HBS1L: variants seen among roughly 807,000 people sequenced by gnomAD.
HBS1L encodes the protein HBS1 like translational GTPase, also known as HBS1-like protein.
HBS1L carries 55 observed loss-of-function variants against 88.9 expected under a neutral mutation model. That is an observed-to-expected ratio of 0.62 (90% CI 0.50 to 0.77). The LOEUF (loss-of-function observed/expected upper bound fraction) is 0.77, where lower values mean the gene tolerates loss of function less well. Among genes scored for constraint, HBS1L ranks in the 30% least tolerant of loss-of-function variants. The pLI, the probability that HBS1L is intolerant of heterozygous loss-of-function variation, is 0.00. For synonymous variants in HBS1L, 267 were observed against 288.5 expected (o/e 0.93, Z 0.76); for missense variants, 741 against 829.3 (o/e 0.89, Z 1.31).
At chr6:135,021,176 T>G (rs1487342139) in intron 4 of HBS1L, among the ~76,000 whole-genome samples, 2 of 152,010 alleles carry the variant, frequency 1.3e-5, no homozygotes, top group African/African-American at 4.8e-5. Context: ...TTATGAATAT[T>G]AAGTGTTAGC....
At chr6:135,011,905 TAA>T (rs10605981) in intron 4 of HBS1L, among the ~76,000 whole-genome samples, 49,942 of 111,786 alleles carry the variant, frequency 0.45, 10,653 homozygotes, top group South Asian at 0.54. Flanking sequence ...AAACTTGTCT[TAA>T]AAAAAAAAAA....
At chr6:134,982,939 A>T (rs958285140) in intron 12 of HBS1L, 2 of 155,208 alleles carry the variant, frequency 1.3e-5, no homozygotes, top group Non-Finnish European at 2.8e-5. Context: ...GTCCTGAGAC[A>T]AATAATATGT....
In HBS1L at chr6:134,961,142, C is replaced by T. The variant is rs1024553502; in HGVS notation, c.*4137G>A. On this transcript the variant is annotated 3_prime_UTR_variant, in exon 18 of 18. Transcript: ENST00000367837. ...TATGAATAGTTTCACTAATTCCATT[C>T]ATGGTTACTGTAAACATTCTTAAAA... 3.0e-5 allele frequency: 3 copies of T among 101,642 alleles called. No individual in the cohort carries two copies. Among genetic ancestry groups the T allele is most frequent in the South Asian group, 3.2e-4 (1 of 3,118 alleles). The allele number at this position is 101,642 out of a possible 1,614,324, so 6.3% of individuals were successfully genotyped here.
intron 7 of HBS1L, 63 bp downstream of exon 7, chr6:134,996,714 T>C (rs112409307): frequency 8.4e-7 from 1 of 1,194,314 alleles, no homozygotes; most frequent in Non-Finnish European, 1.2e-6. Context: ...TCAACACATA[T>C]TACACACTTA....
intron 9 of HBS1L, among the ~76,000 whole-genome samples, 179 bp downstream of exon 9, chr6:134,987,466 A>G (rs1775010579): frequency 6.6e-6 from 1 of 152,148 alleles, no homozygotes; most frequent in African/African-American, 2.4e-5. Context: ...ATAAGAAGAC[A>G]TTTTCTTACT....
chr6:134,964,609 A>AC lies in HBS1L; in HGVS notation c.*669_*670insG, dbSNP rs751027621. 2.0e-5 allele frequency: 3 copies of AC among 152,328 alleles called. No homozygotes were observed. Among genetic ancestry groups the AC allele is most frequent in the Non-Finnish European group, 2.9e-5 (2 of 68,020 alleles). The allele number at this position is 152,328 out of a possible 1,614,324, so 9.4% of individuals were successfully genotyped here. On this transcript the variant is annotated 3_prime_UTR_variant, in exon 18 of 18. Transcript: ENST00000367837. ...GTGGCAGAGAATCTCATAAATGTCT[A>AC]AAGAACAAAACACAGTTTGTATTAT...
At chr6:135,043,673 A>G (rs1410687561) in intron 2 of HBS1L, among the ~76,000 whole-genome samples, 1 of 152,220 alleles carries the variant, frequency 6.6e-6, no homozygotes, top group Non-Finnish European at 1.5e-5. Context: ...GAAGTAACCA[A>G]TGAAGACTGG....
intron 12 of HBS1L, among the ~76,000 whole-genome samples, chr6:134,984,326 T>C (rs1218489274): frequency 6.6e-6 from 1 of 152,188 alleles, no homozygotes; most frequent in East Asian, 1.9e-4. Context: ...ATGTATTATG[T>C]GCCAGGCACT....
chr6:135,011,986 G>A (rs1775788617), intron 4 of HBS1L, among the ~76,000 whole-genome samples: 1 of 151,016 alleles, frequency 6.6e-6, no homozygotes. Flanking sequence ...AACAATAAAT[G>A]GGCCAGGTCA....
At position 134,965,222 on chromosome 6, in the gene HBS1L, T is replaced by C; in HGVS notation, c.*57A>G. 4.3e-6 allele frequency: 6 copies of C among 1,401,896 alleles called. No individual in the cohort carries two copies. The highest frequency in any genetic ancestry group is 6.1e-6 in the Non-Finnish European group (6 of 989,320). 86.8% of individuals were successfully genotyped at this position (1,401,896 alleles called of 1,614,324 possible). A position where few individuals can be genotyped will look rare whatever the true frequency, so the allele number is the denominator to read the frequency against. On this transcript the variant is annotated 3_prime_UTR_variant, in exon 18 of 18. Coordinates refer to ENST00000367837, the MANE Select transcript of HBS1L (RefSeq NM_006620.4). ...TCCTTTGACTTAATAACTGCATTCT[T>C]GAAACAGAGGTTAGCTATTTCACTG...
intron 4 of HBS1L, among the ~76,000 whole-genome samples, chr6:135,019,688 A>T (rs555444954): frequency 6.6e-6 from 1 of 151,978 alleles, no homozygotes; most frequent in South Asian, 2.1e-4. Context: ...AATAATCCTT[A>T]AAAAAATTCT....
intron 6 of HBS1L, 65 bp from the exon 7 acceptor site, chr6:134,997,007 A>C (rs1396566474): frequency 1.9e-5 from 21 of 1,132,086 alleles, no homozygotes; most frequent in Non-Finnish European, 2.1e-5. Context: ...GAGGCATTGC[A>C]TAAATGTGTA....
intron 4 of HBS1L, among the ~76,000 whole-genome samples, chr6:135,023,400 C>T (rs566561637): frequency 2.0e-3 from 311 of 152,164 alleles, no homozygotes; most frequent in Non-Finnish European, 3.4e-3. Flanking sequence ...GCCGATTTCG[C>T]GCCACTGCAC....
rs145560439 is a variant in HBS1L, at chr6:135,002,504, G to A, written c.539+230C>T. ...GTTAAAGTAGCTATAAAATATTTAT[G>A]TAAGAAAACTGGCAGTGAGGTAGAG... On this transcript the variant is annotated intron_variant, in intron 5 of 17. Transcript: ENST00000367837. The A allele has an allele frequency of 1.9e-3, 550 of 295,434 alleles. 2 individuals carry two copies. The highest frequency in any genetic ancestry group is 0.011 in the African/African-American group (520 of 46,708). The allele number at this position is 295,434 out of a possible 1,614,324, so 18.3% of individuals were successfully genotyped here. A position where few individuals can be genotyped will look rare whatever the true frequency, so the allele number is the denominator to read the frequency against.
Position 134,969,281 on chromosome 6 carries a change from C to T in HBS1L, c.1855G>A (p.Val619Ile), listed in dbSNP as rs199765621. The T allele has an allele frequency of 2.0e-5, 32 of 1,613,646 alleles. No homozygotes were observed. Among genetic ancestry groups the T allele is most frequent in the Non-Finnish European group, 2.5e-5 (30 of 1,179,770 alleles). Residue 619 changes from valine (V) to isoleucine (I), a missense_variant, in exon 16 of 18, where the codon GTC (valine) becomes ATC (isoleucine). By Grantham distance (29) the Val-to-Ile change is conservative. This residue lies in a region of HBS1L where 181 missense variants were observed against 212.7 expected (regional missense o/e 0.85). Coordinates refer to ENST00000367837, the MANE Select transcript of HBS1L (RefSeq NM_006620.4). ...ACTTCACCCGTGCTTTTGTTTAAGACACTAATCAATCGTTTAATAACGGCG... is the reference window on the plus strand; with the variant it reads ...ACTTCACCCGTGCTTTTGTTTAAGATACTAATCAATCGTTTAATAACGGCG... ...EPAVIKRLIS[V>I]LNKSTGEVTK...
chr6:135,053,655 A>C (rs2114937050), intron 1 of HBS1L, among the ~76,000 whole-genome samples: 1 of 152,350 alleles, frequency 6.6e-6, no homozygotes, highest in African/African-American at 2.4e-5. Context: ...CCCTCACTCT[A>C]GTTAAAGCAT....
At chr6:135,018,192 C>A (rs1215089659) in intron 4 of HBS1L, among the ~76,000 whole-genome samples, 1 of 152,016 alleles carries the variant, frequency 6.6e-6, no homozygotes, top group Non-Finnish European at 1.5e-5. Flanking sequence ...TTCACTGAAT[C>A]TGACTAAACA....
intron 4 of HBS1L, chr6:135,036,337 T>C (rs1776547262): frequency 8.7e-7 from 1 of 1,145,686 alleles, no homozygotes; most frequent in Non-Finnish European, 1.1e-6. Flanking sequence ...TTTGTAAACA[T>C]ATACTCAGTA....
chr6:134,970,221 C>T (rs1774443138), intron 15 of HBS1L, among the ~76,000 whole-genome samples: 1 of 152,152 alleles, frequency 6.6e-6, no homozygotes, highest in African/African-American at 2.4e-5. Flanking sequence ...CAACCTCCAC[C>T]TCCCAGGTTC....
Sources: gnomAD v4.1 joint callset for allele counts (sites outside exome capture counted in the v4.1 genomes callset) on GRCh38, gnomAD v4.1.1 for gene constraint, gnomAD v4.1.1 regional missense constraint, MANE v1.5 for transcripts, NCBI Gene and HGNC (gene_info 2026-07-23, HGNC 2026-07-21) for gene names.